Variants in MACROD2 observed in about 807,000 individuals in gnomAD.
MACROD2 encodes mono-ADP ribosylhydrolase 2.
Under a neutral mutation model 70.4 loss-of-function variants are expected in MACROD2, and 36 were observed. The observed-to-expected ratio is 0.51, with a 90% CI of 0.39 to 0.68. The LOEUF is 0.68. Ranked by LOEUF, MACROD2 falls within the 30% of genes least tolerant of loss-of-function variation. The probability of loss-of-function intolerance (pLI) is 0.00; values close to 1 mark genes in which losing one functional copy is unlikely to be tolerated. For missense variants in MACROD2, 496 were observed against 538.4 expected, an observed-to-expected ratio of 0.92 and a Z score of 0.78; for synonymous variants, 172 against 178.8, an observed-to-expected ratio of 0.96 and a Z score of 0.30.
chr20:14,967,884 TTACCAGGATA>T (rs2074653318), intron 5 of MACROD2, among the ~76,000 whole-genome samples: 1 of 152,176 alleles, frequency 6.6e-6, no homozygotes, highest in Non-Finnish European at 1.5e-5. Context: ...GATAGTGTTG[TTACCAGGATA>T]AGGAAGATAT....
intron 7 of MACROD2, among the ~76,000 whole-genome samples, chr20:15,470,637 C>G (rs1052198525): frequency 6.6e-6 from 1 of 152,162 alleles, no homozygotes; most frequent in African/African-American, 2.4e-5. Context: ...TGGGCTCTCC[C>G]TTTCCACCCT....
intron 4 of MACROD2, among the ~76,000 whole-genome samples, chr20:14,663,748 G>A (rs1262182439): frequency 6.6e-6 from 1 of 152,002 alleles, no homozygotes; most frequent in Admixed American, 6.6e-5. Flanking sequence ...CATACCATAT[G>A]TAGTTACGCA....
intron 2 of MACROD2, among the ~76,000 whole-genome samples, chr20:14,064,206 T>A (rs894625813): frequency 5.3e-5 from 8 of 152,208 alleles, no homozygotes; most frequent in Non-Finnish European, 8.8e-5. Context: ...CTTTTTCATG[T>A]TCTTTTCCTT....
At chr20:15,990,474 A>G (rs1238551008) in intron 15 of MACROD2, among the ~76,000 whole-genome samples, 1 of 152,126 alleles carries the variant, frequency 6.6e-6, no homozygotes, top group African/African-American at 2.4e-5. Flanking sequence ...TTTTTTCTCT[A>G]AGTGTTAAAC....
At chr20:15,888,745 G>A (rs2064852552) in intron 10 of MACROD2, among the ~76,000 whole-genome samples, 1 of 152,118 alleles carries the variant, frequency 6.6e-6, no homozygotes, top group Non-Finnish European at 1.5e-5. Context: ...CACTTGGGCA[G>A]AATGGGCTTG....
At chr20:14,614,925 T>G (rs1237461413) in intron 4 of MACROD2, among the ~76,000 whole-genome samples, 2 of 152,162 alleles carry the variant, frequency 1.3e-5, no homozygotes, top group African/African-American at 4.8e-5. Flanking sequence ...TAGGTTCCCT[T>G]GGAGGCTGTC....
At chr20:15,895,691 A>G (rs2064960862) in intron 10 of MACROD2, among the ~76,000 whole-genome samples, 1 of 152,134 alleles carries the variant, frequency 6.6e-6, no homozygotes, top group African/African-American at 2.4e-5. Flanking sequence ...AAAACATGCA[A>G]TGGCAACCTT....
In MACROD2 at chr20:16,005,714, C is replaced by T. The variant is rs1353725044; in HGVS notation, c.1153+18556C>T. ...TCACAGCGTGTCTTTTTGTTGTTGTCGATCTTTGGCTTCGCTTATTCACCA... is the reference window on the plus strand; with the variant it reads ...TCACAGCGTGTCTTTTTGTTGTTGTTGATCTTTGGCTTCGCTTATTCACCA... On this transcript the variant is annotated intron_variant, in intron 15 of 17. Coordinates refer to ENST00000684519, the MANE Select transcript of MACROD2 (RefSeq NM_001351661.2). 3.3e-5 allele frequency among the ~76,000 whole-genome samples: 5 copies of T among 152,292 alleles called. No individual in the cohort carries two copies. In the South Asian group the frequency reaches 8.3e-4, roughly 25 times the overall value.
At chr20:14,312,800 T>C (rs758269563) in intron 3 of MACROD2, among the ~76,000 whole-genome samples, 2 of 152,216 alleles carry the variant, frequency 1.3e-5, no homozygotes, top group African/African-American at 2.4e-5. Context: ...TATTAAGTAT[T>C]TTGCCCAGAG....
chr20:14,531,636 G>A (rs2085305447), intron 4 of MACROD2, among the ~76,000 whole-genome samples: 1 of 152,206 alleles, frequency 6.6e-6, no homozygotes, highest in South Asian at 2.1e-4. Context: ...TTTATTAGTG[G>A]TAGTAATGAT....
intron 6 of MACROD2, among the ~76,000 whole-genome samples, chr20:15,419,557 A>G (rs11696247): frequency 0.12 from 17,699 of 152,192 alleles, 1,318 homozygotes; most frequent in South Asian, 0.27. Context: ...TCTTCTTGTC[A>G]TTTAAACCTC....
chr20:14,625,548 G>T (rs543738314), intron 4 of MACROD2, among the ~76,000 whole-genome samples: 1 of 152,224 alleles, frequency 6.6e-6, no homozygotes, highest in South Asian at 2.1e-4. Flanking sequence ...TTGCATGAAT[G>T]GAGTAGACAT....
intron 6 of MACROD2, among the ~76,000 whole-genome samples, chr20:15,372,791 T>A (rs1466871657): frequency 6.6e-6 from 1 of 152,178 alleles, no homozygotes; most frequent in Non-Finnish European, 1.5e-5. Context: ...ATAATGCATG[T>A]CTGTAATCCC....
At chr20:16,045,836 A>G (rs2067372580) in intron 17 of MACROD2, among the ~76,000 whole-genome samples, 1 of 152,120 alleles carries the variant, frequency 6.6e-6, no homozygotes. Flanking sequence ...AGCGGGGAGC[A>G]AAATGGAGCT....
At chr20:14,704,973 T>C (rs866264889) in intron 5 of MACROD2, among the ~76,000 whole-genome samples, 4 of 152,072 alleles carry the variant, frequency 2.6e-5, no homozygotes, top group Middle Eastern at 6.8e-3. Flanking sequence ...TTTCAATACA[T>C]TTAATAGTAT....
chr20:14,765,810 A>G (rs1283726327), intron 5 of MACROD2, among the ~76,000 whole-genome samples: 1 of 152,054 alleles, frequency 6.6e-6, no homozygotes, highest in Non-Finnish European at 1.5e-5. Context: ...CATTGTCACT[A>G]TTGCGTGGAG....
intron 8 of MACROD2, among the ~76,000 whole-genome samples, chr20:15,838,499 G>A (rs2064137615): frequency 6.6e-6 from 1 of 152,096 alleles, no homozygotes; most frequent in Non-Finnish European, 1.5e-5. Context: ...ACTTAACTTT[G>A]TGATTTATAT....
At chr20:15,245,387 G>A (rs2077096906) in intron 6 of MACROD2, among the ~76,000 whole-genome samples, 1 of 152,068 alleles carries the variant, frequency 6.6e-6, no homozygotes, top group Non-Finnish European at 1.5e-5. Flanking sequence ...ATGTATTTAT[G>A]GTATTTCTAT....
intron 6 of MACROD2, among the ~76,000 whole-genome samples, chr20:15,405,946 G>A (rs1466366256): frequency 2.0e-5 from 3 of 152,106 alleles, no homozygotes; most frequent in Non-Finnish European, 2.9e-5. Context: ...TAACTTCAGC[G>A]CTTCTTAGTG....
Sources: allele counts gnomAD v4.1 joint callset (sites outside exome capture counted in the v4.1 genomes callset), GRCh38; gene constraint gnomAD v4.1.1; transcripts MANE v1.5; gene names NCBI Gene and HGNC (gene_info 2026-07-23, HGNC 2026-07-21).